Variants in LAMA1 observed in about 807,000 individuals in gnomAD.
The protein encoded by LAMA1 is laminin subunit alpha 1.
Under a neutral mutation model 348.7 loss-of-function variants are expected in LAMA1, and 219 were observed. That is an observed-to-expected ratio of 0.63 (90% confidence interval 0.56 to 0.70). The LOEUF (loss-of-function observed/expected upper bound fraction) is 0.70. Ranked by LOEUF, LAMA1 falls within the 30% of genes least tolerant of loss-of-function variation. The pLI is 0.00. For missense variants in LAMA1, 3,744 were observed against 3,888.0 expected, an observed-to-expected ratio of 0.96 and a Z score of 0.99; for synonymous variants, 1,487 against 1,491.0, an observed-to-expected ratio of 1.00 and a Z score of 0.06.
At chr18:7,094,426 CAA>C (rs1194222301) in intron 1 of LAMA1, among the ~76,000 whole-genome samples, 3,900 of 63,362 alleles carry the variant, frequency 0.062, 144 homozygotes, top group African/African-American at 0.15. Context: ...GACTCCGTCT[CAA>C]AAAAAAAAAA....
chr18:6,955,432 C>T lies in LAMA1; in HGVS notation c.8128G>A (p.Val2710Ile), dbSNP rs958888771. Residue 2710 changes from valine (V) to isoleucine (I), a missense_variant, in exon 57 of 63, where the codon GTT (valine) becomes ATT (isoleucine). Val to Ile is a conservative substitution (Grantham distance 29, BLOSUM62 3). Around this residue, in one of 3 missense-constraint regions of LAMA1, gnomAD observed 1,983 missense variants for 1,934.3 expected, o/e 1.03. Transcript: ENST00000389658. Reference protein sequence around the residue: ...QCVVDAALEYVPGAHQFGLTQ... With the variant: ...QCVVDAALEYIPGAHQFGLTQ... ...AGACCAAACTGGTGAGCGCCGGGAA[C>T]GTACTCCAGAGCTGCATCCACCACA... 5 of 1,613,992 alleles carry T rather than the reference C, an allele frequency of 3.1e-6. No homozygotes were observed. The highest frequency in any genetic ancestry group is 2.2e-5 in the East Asian group (1 of 44,888).
chr18:7,049,104 C>T lies in LAMA1; in HGVS notation c.742G>A (p.Glu248Lys). Residue 248 changes from glutamate (E) to lysine (K), a missense_variant, in exon 5 of 63, where the codon GAA becomes AAA. By Grantham distance (56) the Glu-to-Lys change is moderately conservative. This residue lies in a region of LAMA1 where 1,529 missense variants were observed against 1,689.4 expected (regional missense o/e 0.91). Transcript: ENST00000389658. Reference sequence around the variant, plus strand: ...CGTCTGGTAACAATAGGATCCAGTTCTTTAGGTTCCCGGTGGCTAAGGGTC... The same window carrying T: ...CGTCTGGTAACAATAGGATCCAGTTTTTTAGGTTCCCGGTGGCTAAGGGTC... ...LMTLSHREPK[E>K]LDPIVTRRYY... is the part of the protein sequence containing the mutation. 2 of 1,614,090 alleles carry T rather than the reference C, an allele frequency of 1.2e-6. No homozygotes were observed. Among genetic ancestry groups the T allele is most frequent in the Non-Finnish European group, 1.7e-6 (2 of 1,180,016 alleles).
chr18:6,955,542 A>C lies in LAMA1; in HGVS notation c.8095-77T>G, dbSNP rs924288850. On this transcript the variant is annotated intron_variant, in intron 56 of 62. Transcript: ENST00000389658. ...CTGACACACGCGTGTTCCGCCATGA[A>C]GGGCCATCTACGAAGCAATCCCATT... is the stretch of plus-strand genomic sequence containing the variant. The C allele has an allele frequency of 1.4e-5, 14 of 993,454 alleles. No individual in the cohort carries two copies. In the East Asian group the frequency reaches 3.3e-4, roughly 23 times the overall value. 61.5% of individuals were successfully genotyped at this position (993,454 alleles called of 1,614,324 possible).
chr18:7,103,716 G>C (rs974262604), intron 1 of LAMA1, among the ~76,000 whole-genome samples: 15 of 151,634 alleles, frequency 9.9e-5, no homozygotes, highest in Non-Finnish European at 8.8e-5. Flanking sequence ...CTACTAGGGA[G>C]GCTGAGGCAG....
At chr18:7,088,832 T>C (rs901310299) in intron 1 of LAMA1, among the ~76,000 whole-genome samples, 1 of 152,060 alleles carries the variant, frequency 6.6e-6, no homozygotes, top group Non-Finnish European at 1.5e-5. Context: ...TCTAATATAT[T>C]CTTTATGCAT....
chr18:7,007,912 CTTTTATTTAT>C (rs1419818234), intron 28 of LAMA1, among the ~76,000 whole-genome samples: 13 of 107,152 alleles, frequency 1.2e-4, no homozygotes, highest in African/African-American at 6.1e-4. Flanking sequence ...TATTACTCCA[CTTTTATTTAT>C]TTATTTATTT....
intron 3 of LAMA1, among the ~76,000 whole-genome samples, chr18:7,062,966 A>C (rs2143750039): frequency 6.6e-6 from 1 of 152,344 alleles, no homozygotes; most frequent in East Asian, 1.9e-4. Flanking sequence ...ACTCAGTGAC[A>C]GTAAAAGGGG....
At chr18:7,103,018 G>A (rs1328276992) in intron 1 of LAMA1, among the ~76,000 whole-genome samples, 2 of 152,186 alleles carry the variant, frequency 1.3e-5, no homozygotes, top group African/African-American at 4.8e-5. Flanking sequence ...AGATTCTGTG[G>A]ATTTTCTGTA....
chr18:7,066,714 A>AAAAAG (rs780638666), intron 3 of LAMA1, among the ~76,000 whole-genome samples: 2 of 152,224 alleles, frequency 1.3e-5, no homozygotes, highest in African/African-American at 4.8e-5. Context: ...GCATAGGACA[A>AAAAAG]AAAAGAAAAG....
chr18:7,068,579 T>C (rs970509840), intron 3 of LAMA1, among the ~76,000 whole-genome samples: 1 of 152,212 alleles, frequency 6.6e-6, no homozygotes, highest in Non-Finnish European at 1.5e-5. Flanking sequence ...TATTTTTCTA[T>C]AGTTTAAAAA....
chr18:7,023,095 T>C (rs548152601), intron 19 of LAMA1, 69 bp downstream of exon 19: 2 of 1,514,192 alleles, frequency 1.3e-6, no homozygotes, highest in South Asian at 1.2e-5. Flanking sequence ...GTGTGACACA[T>C]GTGACTATAC....
At chr18:7,056,414 C>T (rs186600819) in intron 3 of LAMA1, among the ~76,000 whole-genome samples, 216 of 152,324 alleles carry the variant, frequency 1.4e-3, no homozygotes, top group African/African-American at 5.0e-3. Context: ...AAGTTTACCA[C>T]GTGCGTGTTA....
At chr18:7,056,794 T>C (rs2058083827) in intron 3 of LAMA1, among the ~76,000 whole-genome samples, 1 of 152,150 alleles carries the variant, frequency 6.6e-6, no homozygotes, top group Non-Finnish European at 1.5e-5. Context: ...AAACAAAGAT[T>C]AATGAATGCT....
intron 23 of LAMA1, among the ~76,000 whole-genome samples, chr18:7,012,499 A>T (rs758592080): frequency 0.097 from 7,148 of 73,506 alleles, 187 homozygotes; most frequent in African/African-American, 0.23. Context: ...TTATTATTAT[A>T]TTATTATTAT....
intron 32 of LAMA1, 59 bp from the exon 33 acceptor site, chr18:6,997,943 T>C: frequency 1.3e-6 from 2 of 1,528,086 alleles, no homozygotes; most frequent in Non-Finnish European, 1.8e-6. Flanking sequence ...TCTGCCCATT[T>C]TTTCATGGAG....
chr18:6,985,288 C>T lies in LAMA1; in HGVS notation c.5609G>A (p.Arg1870Lys). The change falls in exon 39 of 63, where the codon AGA becomes AAA. Residue 1870 changes from arginine (R) to lysine (K), a missense_variant. Transcript: ENST00000389658. ...SQRNAVDLVY[R>K]AEDHAAEFQR... ...GAACTCAGCGGCATGGTCCTCAGCTCTGTAGACCAGGTCGACTGCGTTCCT... is the reference window on the plus strand; with the variant it reads ...GAACTCAGCGGCATGGTCCTCAGCTTTGTAGACCAGGTCGACTGCGTTCCT... 1 of 1,614,214 alleles carries T rather than the reference C, an allele frequency of 6.2e-7. No individual in the cohort carries two copies. Among genetic ancestry groups the T allele is most frequent in the Non-Finnish European group, 8.5e-7 (1 of 1,180,052 alleles).
chr18:6,976,239 T>A (rs1740606654), intron 44 of LAMA1, among the ~76,000 whole-genome samples, 159 bp from the exon 45 acceptor site: 1 of 152,182 alleles, frequency 6.6e-6, no homozygotes, highest in Non-Finnish European at 1.5e-5. Flanking sequence ...ACATATCAGA[T>A]GGTAACAAAA....
In LAMA1 at chr18:6,995,440, A is replaced by C. The variant is rs1410969248; in HGVS notation, c.4813T>G (p.Leu1605Val). The change falls in exon 34 of 63, where the codon TTA (leucine) becomes GTA (valine). Residue 1605 changes from leucine (L) to valine (V), a missense_variant. Transcript: ENST00000389658. Reference sequence around the variant, plus strand: ...TCCTTTTGCATATTTTCTTTTAATAAAGATTCCTAGGAAGAATGGAGGAAA... The same window carrying C: ...TCCTTTTGCATATTTTCTTTTAATACAGATTCCTAGGAAGAATGGAGGAAA... ...ENTTKYLQES[L>V]LKENMQKDLG... 3.8e-6 allele frequency: 6 copies of C among 1,582,338 alleles called. No individual in the cohort carries two copies. Among genetic ancestry groups the C allele is most frequent in the Non-Finnish European group, 4.3e-6 (5 of 1,151,198 alleles).
chr18:7,098,343 C>T (rs899102226), intron 1 of LAMA1, among the ~76,000 whole-genome samples: 3 of 151,550 alleles, frequency 2.0e-5, no homozygotes, highest in Non-Finnish European at 4.4e-5. Context: ...CTCTGCCTGG[C>T]TGCCCAGTCT....
Sources: gnomAD v4.1 joint callset for allele counts (sites outside exome capture counted in the v4.1 genomes callset) on GRCh38, gnomAD v4.1.1 for gene constraint, gnomAD v4.1.1 regional missense constraint, MANE v1.5 for transcripts, NCBI Gene and HGNC (gene_info 2026-07-23, HGNC 2026-07-21) for gene names.